NUP93: variants seen among roughly 807,000 people sequenced by gnomAD.
NUP93 encodes the protein nuclear pore complex protein Nup93.
In NUP93, 55 loss-of-function variants were observed where a neutral mutation model predicts 107.8. That is an observed-to-expected ratio of 0.51 (90% CI 0.41 to 0.64). The LOEUF is 0.64. Among genes scored for constraint, NUP93 ranks in the 30% least tolerant of loss-of-function variants. The pLI, the probability that NUP93 is intolerant of heterozygous loss-of-function variation, is 0.00. For missense variants in NUP93, 937 were observed against 1,044.7 expected, an observed-to-expected ratio of 0.90 and a Z score of 1.42; for synonymous variants, 390 against 397.5, an observed-to-expected ratio of 0.98 and a Z score of 0.22.
chr16:56,741,417 G>GT (rs1251565841), intron 1 of NUP93, among the ~76,000 whole-genome samples: 1 of 152,218 alleles, frequency 6.6e-6, no homozygotes, highest in African/African-American at 2.4e-5. Context: ...AGAAATTGGG[G>GT]TTTTATCTCA....
intron 5 of NUP93, among the ~76,000 whole-genome samples, chr16:56,811,059 T>C (rs897737809): frequency 6.6e-5 from 10 of 152,216 alleles, no homozygotes; most frequent in African/African-American, 1.7e-4. Context: ...CTTTTATAAA[T>C]AGTACTATGG....
chr16:56,754,921 T>C (rs1357477910), intron 2 of NUP93, among the ~76,000 whole-genome samples: 1 of 152,252 alleles, frequency 6.6e-6, no homozygotes, highest in Non-Finnish European at 1.5e-5. Flanking sequence ...GTGTTTTTAA[T>C]CTTTTTCTAT....
chr16:56,757,036 G>A (rs1471839888), intron 2 of NUP93, among the ~76,000 whole-genome samples: 1 of 152,160 alleles, frequency 6.6e-6, no homozygotes, highest in Admixed American at 6.5e-5. Context: ...GAAAGTCCCG[G>A]GGATGGCATC....
At chr16:56,824,334 G>T (rs1963613607) in intron 8 of NUP93, among the ~76,000 whole-genome samples, 1 of 152,138 alleles carries the variant, frequency 6.6e-6, no homozygotes, top group African/African-American at 2.4e-5. Flanking sequence ...TAATGCCTGT[G>T]ATTTATGCCT....
chr16:56,759,625 A>G (rs1962087818), intron 3 of NUP93, among the ~76,000 whole-genome samples: 1 of 152,208 alleles, frequency 6.6e-6, no homozygotes, highest in African/African-American at 2.4e-5. Context: ...TCATTTTTGC[A>G]TGTCAACTTA....
At chr16:56,773,345 G>A (rs1054321061) in intron 3 of NUP93, among the ~76,000 whole-genome samples, 6 of 152,130 alleles carry the variant, frequency 3.9e-5, no homozygotes, top group Non-Finnish European at 8.8e-5. Context: ...TTTGAGGATG[G>A]GGCAGTGTTA....
chr16:56,791,159 T>C (rs769237591), intron 3 of NUP93, among the ~76,000 whole-genome samples: 2 of 152,216 alleles, frequency 1.3e-5, no homozygotes, highest in Non-Finnish European at 2.9e-5. Flanking sequence ...CACTTTTACA[T>C]TTTGATATGG....
intron 3 of NUP93, among the ~76,000 whole-genome samples, chr16:56,790,902 A>C (rs1301105764): frequency 1.3e-5 from 2 of 152,096 alleles, no homozygotes; most frequent in East Asian, 3.9e-4. Flanking sequence ...TTCTTCCTTC[A>C]TTGCTTTCTA....
Position 56,821,487 on chromosome 16 carries a change from G to GCTT in NUP93, c.565-16_565-14dup, listed in dbSNP as rs1296705683. Reference sequence around the variant, plus strand: ...AAATAGATACTTTGCCATTTACTTTGCTTTTTATCATTTCAGATTTATATC... The same window carrying GCTT: ...AAATAGATACTTTGCCATTTACTTTGCTTCTTTTTATCATTTCAGATTTATATC... On this transcript the variant is annotated splice_polypyrimidine_tract_variant and intron_variant, in intron 6 of 21. Coordinates refer to ENST00000308159, the MANE Select transcript of NUP93 (RefSeq NM_014669.5). The GCTT allele has an allele frequency of 1.3e-6, 2 of 1,528,004 alleles. No individual in the cohort carries two copies. Among genetic ancestry groups the GCTT allele is most frequent in the African/African-American group, 1.4e-5 (1 of 73,100 alleles). 94.7% of individuals were successfully genotyped at this position (1,528,004 alleles called of 1,614,324 possible).
intron 3 of NUP93, among the ~76,000 whole-genome samples, chr16:56,789,966 G>A (rs532198420): frequency 2.0e-4 from 31 of 152,206 alleles, no homozygotes; most frequent in South Asian, 6.2e-4. Flanking sequence ...GCATGGTGGC[G>A]TGCGCCTGTA....
intron 3 of NUP93, among the ~76,000 whole-genome samples, chr16:56,759,710 C>G (rs1318914300): frequency 1.3e-5 from 2 of 151,510 alleles, no homozygotes; most frequent in East Asian, 3.9e-4. Context: ...AAGTTTTAGC[C>G]CCCCTCCCCC....
At position 56,834,379 on chromosome 16, in the gene NUP93, A is replaced by G. The variant is rs756279083; in HGVS notation, c.1674A>G (p.Lys558=). Residue 558 remains lysine, a synonymous_variant, in exon 15 of 22, where the codon AAA becomes AAG. Coordinates refer to ENST00000308159, the MANE Select transcript of NUP93 (RefSeq NM_014669.5). ...TTTATTTCCCTTACAGGGATGAGAAAGATAGTCAAGGAGAAAACATGTTTC... is the reference window on the plus strand; with the variant it reads ...TTTATTTCCCTTACAGGGATGAGAAGGATAGTCAAGGAGAAAACATGTTTC... ...LQYFYFLRDE[K]DSQGENMFLR... 3.1e-6 allele frequency: 5 copies of G among 1,614,224 alleles called. No individual in the cohort carries two copies. In the Admixed American group the frequency reaches 5.0e-5, roughly 16 times the overall value.
At chr16:56,766,505 T>A (rs1413019429) in intron 3 of NUP93, among the ~76,000 whole-genome samples, 1 of 152,234 alleles carries the variant, frequency 6.6e-6, no homozygotes, top group Non-Finnish European at 1.5e-5. Flanking sequence ...TGTCTTTTTA[T>A]CTGCTGAACT....
At position 56,815,865 on chromosome 16, in the gene NUP93, A is replaced by ACTGCTACTGCTGCTG. The variant is rs1555495733; in HGVS notation, c.490-2794_490-2793insACTGCTGCTGCTGCT. The stretch of plus-strand genomic sequence containing the variant: ...TCCAGGATTTCCAGCTACTACTGCT[A>ACTGCTACTGCTGCTG]CTGCTGCTGCTGCTGCTGCTGCTGC... On this transcript the variant is annotated intron_variant, in intron 5 of 21. Transcript: ENST00000308159. Among the ~76,000 whole-genome samples, 3 of 146,968 alleles carry ACTGCTACTGCTGCTG rather than the reference A, an allele frequency of 2.0e-5. No individual in the cohort carries two copies. The East Asian group carries it at 5.9e-4, about 29-fold the overall frequency.
intron 10 of NUP93, chr16:56,831,558 G>T: frequency 3.0e-6 from 1 of 336,524 alleles, no homozygotes; most frequent in Non-Finnish European, 5.6e-6. Context: ...CTTGAGTGCT[G>T]CTGGGTTGTG....
intron 3 of NUP93, among the ~76,000 whole-genome samples, chr16:56,775,758 AG>A (rs1962404829): frequency 6.6e-6 from 1 of 152,136 alleles, no homozygotes; most frequent in African/African-American, 2.4e-5. Context: ...TTTTGAGATG[AG>A]GAGGGCACAG....
intron 3 of NUP93, among the ~76,000 whole-genome samples, chr16:56,777,252 A>G (rs1962431538): frequency 6.6e-6 from 1 of 152,192 alleles, no homozygotes; most frequent in Non-Finnish European, 1.5e-5. Flanking sequence ...TAAAATGGAA[A>G]TCTTACTTCT....
intron 15 of NUP93, 77 bp downstream of exon 15, chr16:56,834,519 A>C (rs1963871034): frequency 2.1e-6 from 3 of 1,459,298 alleles, no homozygotes; most frequent in Non-Finnish European, 2.9e-6. Context: ...TTGCGTGTTT[A>C]CTTCAATATG....
Position 56,844,637 on chromosome 16 carries a change from G to T in NUP93, c.*28G>T, listed in dbSNP as rs16962807. On this transcript the variant is annotated 3_prime_UTR_variant, in exon 22 of 22. Coordinates refer to ENST00000308159, the MANE Select transcript of NUP93 (RefSeq NM_014669.5). ...GCCATGCTTTGTGGGAGTCTGGGTCGGCACACTGTCAGTACATCAGGCACA... is the reference window on the plus strand; with the variant it reads ...GCCATGCTTTGTGGGAGTCTGGGTCTGCACACTGTCAGTACATCAGGCACA... 1 of 1,496,988 alleles carries T rather than the reference G, an allele frequency of 6.7e-7. No individual in the cohort carries two copies. The highest frequency in any genetic ancestry group is 9.2e-7 in the Non-Finnish European group (1 of 1,091,132). The allele number at this position is 1,496,988 out of a possible 1,614,324, so 92.7% of individuals were successfully genotyped here. A position where few individuals can be genotyped will look rare whatever the true frequency, so the allele number is the denominator to read the frequency against.
Sources: gnomAD v4.1 joint callset for allele counts (sites outside exome capture counted in the v4.1 genomes callset) on GRCh38, gnomAD v4.1.1 for gene constraint, MANE v1.5 for transcripts, NCBI Gene and HGNC (gene_info 2026-07-23, HGNC 2026-07-21) for gene names.